SYN3: variants seen among roughly 807,000 people sequenced by gnomAD.
SYN3 encodes the protein synapsin-3.
A neutral mutation model predicts 65.8 loss-of-function variants in SYN3; 35 were observed. That is an observed-to-expected ratio of 0.53 (90% CI 0.41 to 0.70). The LOEUF is 0.70. SYN3 is among the 30% of genes least tolerant of loss of function. The pLI, the probability that SYN3 is intolerant of heterozygous loss-of-function variation, is 0.00. For synonymous variants in SYN3, 270 were observed against 292.9 expected (o/e 0.92, Z 0.80); for missense variants, 680 against 749.0 (o/e 0.91, Z 1.08).
intron 6 of SYN3, among the ~76,000 whole-genome samples, chr22:32,768,133 C>A (rs941735251): frequency 3.3e-5 from 5 of 152,142 alleles, no homozygotes; most frequent in African/African-American, 9.7e-5. Flanking sequence ...TTCCTTCATG[C>A]CCCCTATCTT....
At chr22:32,532,366 C>T (rs1280886657) in intron 10 of SYN3, among the ~76,000 whole-genome samples, 1 of 152,296 alleles carries the variant, frequency 6.6e-6, no homozygotes, top group African/African-American at 2.4e-5. Flanking sequence ...GGGACCGGCT[C>T]CTCCAGGGAG....
intron 6 of SYN3, among the ~76,000 whole-genome samples, chr22:32,832,353 T>C (rs2047598046): frequency 6.6e-6 from 1 of 152,142 alleles, no homozygotes; most frequent in Non-Finnish European, 1.5e-5. Context: ...CTAGGGTTAA[T>C]TGGGACACTA....
chr22:32,535,737 G>A (rs946785226), intron 9 of SYN3, among the ~76,000 whole-genome samples: 1 of 151,762 alleles, frequency 6.6e-6, no homozygotes, highest in Non-Finnish European at 1.5e-5. Context: ...CAGGGTCTAG[G>A]AAGGGGCTGC....
chr22:32,928,583 A>G (rs2146679968), intron 4 of SYN3, among the ~76,000 whole-genome samples: 1 of 152,318 alleles, frequency 6.6e-6, no homozygotes, highest in South Asian at 2.1e-4. Context: ...TAAATTGGGG[A>G]CCATCTGTAA....
chr22:32,966,232 G>A (rs1431103534), intron 3 of SYN3, among the ~76,000 whole-genome samples: 1 of 152,144 alleles, frequency 6.6e-6, no homozygotes, highest in Non-Finnish European at 1.5e-5. Context: ...TGGATGGAGG[G>A]GGAGGGCAGA....
At chr22:32,579,411 G>GC (rs2058902130) in intron 7 of SYN3, among the ~76,000 whole-genome samples, 1 of 152,170 alleles carries the variant, frequency 6.6e-6, no homozygotes, top group African/African-American at 2.4e-5. Flanking sequence ...GGTGACTTTT[G>GC]CTGCATTCTC....
At chr22:33,010,754 T>C (rs1335592708) in intron 1 of SYN3, among the ~76,000 whole-genome samples, 2 of 152,206 alleles carry the variant, frequency 1.3e-5, no homozygotes, top group Non-Finnish European at 2.9e-5. Context: ...CAATATTGGG[T>C]TCTCTATGAA....
chr22:32,571,828 T>G (rs1329568584), intron 7 of SYN3, among the ~76,000 whole-genome samples: 1 of 151,984 alleles, frequency 6.6e-6, no homozygotes, highest in Non-Finnish European at 1.5e-5. Context: ...TTTGTTTTGT[T>G]CACCACTGCA....
chr22:32,832,396 C>G (rs760665625), intron 6 of SYN3, among the ~76,000 whole-genome samples: 3 of 151,926 alleles, frequency 2.0e-5, no homozygotes, highest in African/African-American at 4.8e-5. Flanking sequence ...TCATTTTGTA[C>G]AATAAAAAAC....
intron 1 of SYN3, among the ~76,000 whole-genome samples, chr22:33,034,981 C>A (rs2053826221): frequency 6.6e-6 from 1 of 152,124 alleles, no homozygotes; most frequent in African/African-American, 2.4e-5. Flanking sequence ...GTGCCCTTCA[C>A]CTTGGGAGCC....
At chr22:32,663,159 G>T (rs955630163) in intron 6 of SYN3, among the ~76,000 whole-genome samples, 1 of 152,172 alleles carries the variant, frequency 6.6e-6, no homozygotes, top group South Asian at 2.1e-4. Context: ...GCATGGTTGT[G>T]TAAGAGGAAA....
chr22:32,931,350 G>T, intron 4 of SYN3, 40 bp downstream of exon 4: 2 of 1,377,212 alleles, frequency 1.5e-6, no homozygotes, highest in Non-Finnish European at 2.1e-6. Context: ...TTCCACGTAT[G>T]CAATTCTCAG....
intron 1 of SYN3, among the ~76,000 whole-genome samples, chr22:33,054,990 C>T (rs570755428): frequency 6.6e-6 from 1 of 152,332 alleles, no homozygotes; most frequent in African/African-American, 2.4e-5. Context: ...AACACTATTG[C>T]TGTCCTCTAG....
chr22:32,885,645 C>A (rs962753721), intron 4 of SYN3, among the ~76,000 whole-genome samples: 1 of 152,086 alleles, frequency 6.6e-6, no homozygotes, highest in Non-Finnish European at 1.5e-5. Context: ...ACCACAATCT[C>A]CACCTCCTGG....
intron 6 of SYN3, among the ~76,000 whole-genome samples, chr22:32,704,822 C>CT (rs200046786): frequency 0.039 from 5,932 of 152,244 alleles, 397 homozygotes; most frequent in African/African-American, 0.14. Context: ...TGATGTTGAG[C>CT]TTTTTTTACA....
In SYN3 at chr22:32,949,260, T is replaced by C. The variant is rs78315187; in HGVS notation, c.370-17779A>G. Among the ~76,000 whole-genome samples, 40 of 152,036 alleles carry C rather than the reference T, an allele frequency of 2.6e-4. No individual in the cohort carries two copies. In the East Asian group the frequency reaches 7.8e-3, roughly 30 times the overall value. ...AGACCCTTATATCTTTTTAAAAAATTAGCCAGGCATGGTGGTGTGCACCTG... is the reference window on the plus strand; with the variant it reads ...AGACCCTTATATCTTTTTAAAAAATCAGCCAGGCATGGTGGTGTGCACCTG... On this transcript the variant is annotated intron_variant, in intron 3 of 13. Coordinates refer to ENST00000358763, the MANE Select transcript of SYN3 (RefSeq NM_003490.4).
chr22:32,632,629 G>C (rs1475854766), intron 6 of SYN3, among the ~76,000 whole-genome samples: 1 of 152,168 alleles, frequency 6.6e-6, no homozygotes, highest in African/African-American at 2.4e-5. Flanking sequence ...GGTGCTTAAA[G>C]GTTTGGGGCA....
intron 6 of SYN3, among the ~76,000 whole-genome samples, chr22:32,663,436 G>C (rs5754195): frequency 0.25 from 38,059 of 151,606 alleles, 6,794 homozygotes; most frequent in East Asian, 0.7. Flanking sequence ...ATAGCTGGGA[G>C]TATAGGCACC....
At chr22:33,002,855 T>C (rs2053100347) in intron 2 of SYN3, among the ~76,000 whole-genome samples, 1 of 152,192 alleles carries the variant, frequency 6.6e-6, no homozygotes, top group South Asian at 2.1e-4. Flanking sequence ...GACTGTGTAC[T>C]CACCCAAATC....
Sources: allele counts gnomAD v4.1 joint callset (sites outside exome capture counted in the v4.1 genomes callset), GRCh38; gene constraint gnomAD v4.1.1; transcripts MANE v1.5; gene names NCBI Gene and HGNC (gene_info 2026-07-23, HGNC 2026-07-21).